The following MMP16 variants were observed in gnomAD, a reference collection of about 807,000 sequenced individuals.
MMP16 encodes the protein matrix metallopeptidase 16.
Under a neutral mutation model 67.8 loss-of-function variants are expected in MMP16, and 12 were observed. The ratio of observed to expected loss-of-function variants is 0.18; its 90% confidence interval spans 0.11 to 0.29. MMP16 has a LOEUF of 0.29. Among genes scored for constraint, MMP16 ranks in the 10% least tolerant of loss-of-function variants. MMP16 has a pLI of 1.00. For missense variants in MMP16, 475 were observed against 765.7 expected (o/e 0.62, Z 4.48); for synonymous variants, 249 against 255.9 (o/e 0.97, Z 0.26).
At chr8:88,316,323 G>A (rs1395298022) in intron 1 of MMP16, among the ~76,000 whole-genome samples, 1 of 152,158 alleles carries the variant, frequency 6.6e-6, no homozygotes, top group Non-Finnish European at 1.5e-5. Flanking sequence ...GACTTTCATA[G>A]CTAGAGAGGA....
chr8:88,264,222 G>A (rs1810439360), intron 1 of MMP16, among the ~76,000 whole-genome samples: 1 of 152,010 alleles, frequency 6.6e-6, no homozygotes, highest in Admixed American at 6.6e-5. Flanking sequence ...TTCTAGAGAT[G>A]GAATCTCACT....
At chr8:88,116,354 C>A (rs983925299) in intron 6 of MMP16, among the ~76,000 whole-genome samples, 153 bp downstream of exon 6, 1 of 151,940 alleles carries the variant, frequency 6.6e-6, no homozygotes, top group Admixed American at 6.6e-5. Flanking sequence ...CATTTAAGCC[C>A]ATTTGTGCAT....
intron 1 of MMP16, among the ~76,000 whole-genome samples, chr8:88,245,449 G>A (rs1482224543): frequency 2.6e-5 from 4 of 152,152 alleles, no homozygotes; most frequent in South Asian, 2.1e-4. Flanking sequence ...TGAGCTAGGC[G>A]CTCTGAGGCA....
chr8:88,292,554 CT>C (rs1304931346), intron 1 of MMP16, among the ~76,000 whole-genome samples: 1 of 152,104 alleles, frequency 6.6e-6, no homozygotes, highest in Non-Finnish European at 1.5e-5. Flanking sequence ...AAATCAATAC[CT>C]ATTTGAAAGG....
In MMP16 at chr8:88,255,111, T is replaced by C. The variant is rs754724888; in HGVS notation, c.133-57805A>G. 6.6e-4 allele frequency among the ~76,000 whole-genome samples: 100 copies of C among 152,280 alleles called. 1 individual carries two copies. In the Middle Eastern group the frequency reaches 0.01, roughly 16 times the overall value. The stretch of plus-strand genomic sequence containing the variant: ...GAAATGTGATTCCTAATATTGGACA[T>C]GGGGCCTGGCAGAAGATGTTTGGGT... On this transcript the variant is annotated intron_variant, in intron 1 of 9. Transcript: ENST00000286614.
At chr8:88,241,083 T>C (rs889161010) in intron 1 of MMP16, among the ~76,000 whole-genome samples, 2 of 149,838 alleles carry the variant, frequency 1.3e-5, no homozygotes, top group Middle Eastern at 3.7e-3. Context: ...TTTGTTTTGT[T>C]TTTTTTTTTT....
intron 1 of MMP16, among the ~76,000 whole-genome samples, chr8:88,312,580 C>A (rs1409228714): frequency 1.3e-5 from 2 of 152,176 alleles, no homozygotes; most frequent in African/African-American, 2.4e-5. Context: ...CAGCAAAAGT[C>A]TTCTCTGGAC....
chr8:88,221,352 C>G (rs1809679679), intron 1 of MMP16, among the ~76,000 whole-genome samples: 2 of 152,036 alleles, frequency 1.3e-5, no homozygotes, highest in Admixed American at 1.3e-4. Context: ...TGAAGCCCTC[C>G]AATTAGCAAG....
Position 88,039,582 on chromosome 8 carries a change from G to A in MMP16, c.*1879C>T, listed in dbSNP as rs1808103789. On this transcript the variant is annotated 3_prime_UTR_variant, in exon 10 of 10. Transcript: ENST00000286614. The surrounding 1 kb of genome is among the most constrained non-coding windows in gnomAD (Gnocchi z 4.5). ...TTTCACAGAAGACAATGTTTAAGTT[G>A]TTGTTAATGACAGTCAATAGATCAA... 1.3e-5 allele frequency: 2 copies of A among 152,586 alleles called. No individual in the cohort carries two copies. The highest frequency in any genetic ancestry group is 1.3e-4 in the Admixed American group (2 of 15,252). 9.5% of individuals were successfully genotyped at this position (152,586 alleles called of 1,614,324 possible).
Position 88,175,957 on chromosome 8 carries a change from T to C in MMP16, c.405-7984A>G, listed in dbSNP as rs962986880. On this transcript the variant is annotated intron_variant, in intron 3 of 9. Coordinates refer to ENST00000286614, the MANE Select transcript of MMP16 (RefSeq NM_005941.5). ...GTTCCTCCTTTGCCTTCTGCCATGA[T>C]TGTGAGGCCTCCCTAGCCATGTGGA... Among the ~76,000 whole-genome samples, 4 of 152,352 alleles carry C rather than the reference T, an allele frequency of 2.6e-5. No homozygotes were observed. The East Asian group carries it at 7.7e-4, about 29-fold the overall frequency.
rs1172667092 is a variant in MMP16, at chr8:88,186,492, T to C, written c.388A>G (p.Lys130Glu). 1 of 1,613,470 alleles carries C rather than the reference T, an allele frequency of 6.2e-7. No homozygotes were observed. The highest frequency in any genetic ancestry group is 8.5e-7 in the Non-Finnish European group (1 of 1,179,886). The part of the protein sequence containing the change: ...YALTGQKWQH[K>E]HITYSIKNVT... Reference sequence around the variant, plus strand: ...TTCTTATACCTGTAAGTGATGTGCTTGTGCTGCCATTTCTGTCCTGTCAAT... The same window carrying C: ...TTCTTATACCTGTAAGTGATGTGCTCGTGCTGCCATTTCTGTCCTGTCAAT... The change falls in exon 3 of 10, where the codon AAG (lysine) becomes GAG (glutamate). Residue 130 changes from lysine (K) to glutamate (E), a missense_variant. Around this residue, in one of 5 missense-constraint regions of MMP16, gnomAD observed 170 missense variants for 239.6 expected, o/e 0.71. Coordinates refer to ENST00000286614, the MANE Select transcript of MMP16 (RefSeq NM_005941.5).
At chr8:88,215,055 C>A (rs772070878) in intron 1 of MMP16, among the ~76,000 whole-genome samples, 25 of 152,128 alleles carry the variant, frequency 1.6e-4, no homozygotes, top group Non-Finnish European at 3.2e-4. Context: ...TGAGGCTGGG[C>A]GCTGTGGCTC....
At chr8:88,158,339 T>G (rs1395071951) in intron 4 of MMP16, among the ~76,000 whole-genome samples, 3 of 152,168 alleles carry the variant, frequency 2.0e-5, no homozygotes, top group Non-Finnish European at 4.4e-5. Flanking sequence ...ACCTGTTGTT[T>G]CCTGACTTTC....
intron 1 of MMP16, among the ~76,000 whole-genome samples, chr8:88,290,116 C>G (rs1810903292): frequency 1.3e-5 from 2 of 152,084 alleles, no homozygotes; most frequent in Non-Finnish European, 1.5e-5. Context: ...TAAATTACCA[C>G]AAATGGGAAA....
In MMP16 at chr8:88,327,352, A is replaced by G; in HGVS notation, c.-146T>C. 1 of 1,046,658 alleles carries G rather than the reference A, an allele frequency of 9.6e-7. No individual in the cohort carries two copies. The highest frequency in any genetic ancestry group is 2.4e-5 in the Admixed American group (1 of 41,448). 64.8% of individuals were successfully genotyped at this position (1,046,658 alleles called of 1,614,324 possible). On this transcript the variant is annotated 5_prime_UTR_variant, in exon 1 of 10. Transcript: ENST00000286614. ...TCACCCACAGCCGGGCAAGGGGAGG[A>G]GACAGGGGCCCCGCGCTCGGCAGCC...
intron 1 of MMP16, among the ~76,000 whole-genome samples, chr8:88,254,156 T>G (rs1388712136): frequency 6.6e-6 from 1 of 152,146 alleles, no homozygotes; most frequent in Non-Finnish European, 1.5e-5. Context: ...TCATGTCCTT[T>G]GCAGGGACAT....
intron 1 of MMP16, among the ~76,000 whole-genome samples, chr8:88,236,785 A>G (rs1809948177): frequency 8.7e-6 from 1 of 115,324 alleles, no homozygotes; most frequent in African/African-American, 3.9e-5. Flanking sequence ...CTATGATCAA[A>G]GCTTTTCACC....
At chr8:88,286,824 G>A (rs904719789) in intron 1 of MMP16, among the ~76,000 whole-genome samples, 6 of 152,102 alleles carry the variant, frequency 3.9e-5, no homozygotes, top group Non-Finnish European at 5.9e-5. Context: ...GCCCACCTCA[G>A]CCTCCCAAAG....
intron 1 of MMP16, among the ~76,000 whole-genome samples, chr8:88,294,505 T>C (rs1298564515): frequency 6.8e-6 from 1 of 147,832 alleles, no homozygotes; most frequent in Non-Finnish European, 1.5e-5. Context: ...CATATGTATA[T>C]GTCTCTACAC....
Sources: allele counts gnomAD v4.1 joint callset (sites outside exome capture counted in the v4.1 genomes callset), GRCh38; gene constraint gnomAD v4.1.1; regional missense constraint gnomAD v4.1.1; non-coding constraint Gnocchi (gnomAD v3.1); transcripts MANE v1.5; gene names NCBI Gene and HGNC (gene_info 2026-07-23, HGNC 2026-07-21).